The following TPTE2 variants were observed in gnomAD, a reference collection of about 807,000 sequenced individuals.
TPTE2 encodes the protein phosphatidylinositol 3,4,5-trisphosphate 3-phosphatase TPTE2.
Under a neutral mutation model 78.6 loss-of-function variants are expected in TPTE2, and 53 were observed. The observed-to-expected ratio is 0.67, with a 90% confidence interval of 0.54 to 0.85. The LOEUF is 0.85. TPTE2 is among the 40% of genes least tolerant of loss of function. TPTE2 has a pLI of 0.00. For missense variants in TPTE2, 461 were observed against 623.0 expected (o/e 0.74, Z 2.77); for synonymous variants, 175 against 206.2 (o/e 0.85, Z 1.30).
chr13:19,553,569 A>C, the TPTE2 span, among the ~76,000 whole-genome samples: 8 of 152,234 alleles, frequency 5.3e-5, no homozygotes, highest in African/African-American at 1.9e-4. Context: ...TAACAGGTGA[A>C]TAAGTACAAA....
rs184661803 is a variant in TPTE2 at position 19,526,568 on chromosome 13, G to A, written c.-44+10028C>T. Among the ~76,000 whole-genome samples the A allele has an allele frequency of 2.6e-5, 4 of 152,092 alleles. No homozygotes were observed. The East Asian group carries it at 7.7e-4, about 29-fold the overall frequency. The stretch of plus-strand genomic sequence containing the variant: ...CAACAGACATTGGGGCCTACTTGAG[G>A]GTTGGAGGCTGGAGGATGGTGAGTA... On this transcript the variant is annotated intron_variant, in intron 1 of 17. Coordinates refer to the TPTE2 transcript ENST00000390680.
intron 1 of TPTE2, among the ~76,000 whole-genome samples, chr13:19,523,881 A>G (rs868740147): frequency 2.0e-5 from 3 of 152,360 alleles, no homozygotes; most frequent in Middle Eastern, 6.8e-3. Flanking sequence ...ATCAGTCAAC[A>G]TAGAAGCCAG....
intron 1 of TPTE2, among the ~76,000 whole-genome samples, chr13:19,536,292 A>C (rs1415611920): frequency 6.6e-6 from 1 of 152,182 alleles, no homozygotes; most frequent in Non-Finnish European, 1.5e-5. Context: ...TACATACAAA[A>C]TATGTATAAT....
At chr13:19,434,453 G>A (rs1210987171) in intron 15 of TPTE2, among the ~76,000 whole-genome samples, 1 of 152,204 alleles carries the variant, frequency 6.6e-6, no homozygotes, top group African/African-American at 2.4e-5. Flanking sequence ...TTGAGTGCCA[G>A]GTTGAAACGT....
intron 1 of TPTE2, among the ~76,000 whole-genome samples, chr13:19,508,849 T>C (rs1208501299): frequency 2.0e-5 from 3 of 152,048 alleles, no homozygotes; most frequent in Non-Finnish European, 2.9e-5. Flanking sequence ...TTCTAACACC[T>C]TCTAGAAAGA....
chr13:19,453,950 C>G (rs114101449), intron 10 of TPTE2, among the ~76,000 whole-genome samples: 1,576 of 152,306 alleles, frequency 0.01, 23 homozygotes, highest in African/African-American at 0.036. Context: ...CCTCTTGCAA[C>G]AACCTCCACC....
chr13:19,507,485 C>A (rs1869151184), upstream of TPTE2, among the ~76,000 whole-genome samples: 5 of 152,138 alleles, frequency 3.3e-5, no homozygotes, highest in Admixed American at 1.3e-4. Flanking sequence ...TGGGCCTTCA[C>A]TCCTCCACCT....
In TPTE2 at chr13:19,426,325, C is replaced by G. The variant is rs746109169; in HGVS notation, c.1395+100G>C. ...TAGATCTGATTTATTGTTTTCCTCCCCCTCCCCCTCCCTTGTTGGGAATTG... is the reference window on the plus strand; with the variant it reads ...TAGATCTGATTTATTGTTTTCCTCCGCCTCCCCCTCCCTTGTTGGGAATTG... On this transcript the variant is annotated intron_variant, in intron 18 of 19. Transcript: ENST00000400230. The G allele has an allele frequency of 7.2e-6, 6 of 834,358 alleles. No homozygotes were observed. In the African/African-American group the frequency reaches 1.0e-4, roughly 14 times the overall value. The allele number at this position is 834,358 out of a possible 1,614,324, so 51.7% of individuals were successfully genotyped here.
chr13:19,443,611 C>T (rs1160791334), intron 13 of TPTE2, among the ~76,000 whole-genome samples: 3 of 152,010 alleles, frequency 2.0e-5, no homozygotes, highest in Admixed American at 6.6e-5. Flanking sequence ...ACCATGTTGC[C>T]TAGGCTGGTC....
chr13:19,467,268 T>C (rs746656921), exon 7 of TPTE2: 1 of 1,592,074 alleles, frequency 6.3e-7, no homozygotes, highest in East Asian at 2.3e-5. Context: ...AAAATGTAAA[T>C]GACATCAACC....
chr13:19,551,249 G>A, the TPTE2 span, among the ~76,000 whole-genome samples: 3 of 152,138 alleles, frequency 2.0e-5, no homozygotes, highest in African/African-American at 4.8e-5. Context: ...CAATACATAC[G>A]TTATGTAATA....
intron 1 of TPTE2, among the ~76,000 whole-genome samples, chr13:19,500,056 T>G (rs965539048): frequency 1.3e-5 from 2 of 150,756 alleles, no homozygotes; most frequent in Non-Finnish European, 3.0e-5. Flanking sequence ...CTAGAAGAAA[T>G]GGATAAATTC....
chr13:19,452,986 A>ATTTATTTTATTTTATTTTATTTTAT (rs201604917), intron 10 of TPTE2, among the ~76,000 whole-genome samples: 54 of 19,946 alleles, frequency 2.7e-3, no homozygotes, highest in African/African-American at 3.6e-3. Context: ...ATTTTATTTT[A>ATTTATTTTATTTTATTTTATTTTAT]TTTATTTTAT....
intron 1 of TPTE2, among the ~76,000 whole-genome samples, chr13:19,497,041 CG>C (rs1473129466): frequency 6.6e-6 from 1 of 152,134 alleles, no homozygotes; most frequent in Non-Finnish European, 1.5e-5. Context: ...GGGTGACAGA[CG>C]GCACCTGGAA....
chr13:19,537,390 T>A (rs1031135333), upstream of TPTE2, among the ~76,000 whole-genome samples: 3 of 151,714 alleles, frequency 2.0e-5, no homozygotes, highest in African/African-American at 7.3e-5. Flanking sequence ...CCTGCCACCA[T>A]GCCCAGCTAA....
intron 1 of TPTE2, among the ~76,000 whole-genome samples, chr13:19,511,875 A>G: frequency 6.6e-6 from 1 of 152,156 alleles, no homozygotes; most frequent in Non-Finnish European, 1.5e-5. Context: ...AAAAATCACC[A>G]TTTTGTAATG....
At chr13:19,528,682 C>T (rs1483815568) in intron 1 of TPTE2, among the ~76,000 whole-genome samples, 1 of 152,184 alleles carries the variant, frequency 6.6e-6, no homozygotes, top group Non-Finnish European at 1.5e-5. Context: ...AGACTTCCTT[C>T]GAGGCTGAAT....
chr13:19,489,675 T>C (rs1454479295), intron 3 of TPTE2, among the ~76,000 whole-genome samples: 3 of 150,276 alleles, frequency 2.0e-5, no homozygotes, highest in African/African-American at 4.9e-5. Context: ...CACAAATACA[T>C]ATTTATATAT....
At chr13:19,471,925 T>TA (rs1309368915) in intron 6 of TPTE2, among the ~76,000 whole-genome samples, 29 of 152,314 alleles carry the variant, frequency 1.9e-4, no homozygotes, top group African/African-American at 6.5e-4. Context: ...CTTTGAAGGA[T>TA]ATTTTCACTG....
Sources: gnomAD v4.1 joint callset for allele counts (sites outside exome capture counted in the v4.1 genomes callset) on GRCh38, gnomAD v4.1.1 for gene constraint, MANE v1.5 for transcripts, NCBI Gene and HGNC (gene_info 2026-07-23, HGNC 2026-07-21) for gene names.